ADAM17: variants seen among roughly 807,000 people sequenced by gnomAD.
The protein encoded by ADAM17 is disintegrin and metalloproteinase domain-containing protein 17.
ADAM17 carries 39 observed loss-of-function variants against 96.7 expected under a neutral mutation model. The observed-to-expected ratio is 0.40, with a 90% confidence interval of 0.31 to 0.53. The LOEUF is 0.53. Ranked by LOEUF, ADAM17 falls within the 20% of genes least tolerant of loss-of-function variation. ADAM17 has a pLI of 0.44. For synonymous variants in ADAM17, 344 were observed against 359.2 expected, an observed-to-expected ratio of 0.96 and a Z score of 0.48; for missense variants, 777 against 1,013.2, an observed-to-expected ratio of 0.77 and a Z score of 3.17.
chr2:9,552,866 G>A (rs1356900954), intron 1 of ADAM17, among the ~76,000 whole-genome samples: 1 of 151,998 alleles, frequency 6.6e-6, no homozygotes, highest in East Asian at 1.9e-4. Flanking sequence ...CATTTTATTA[G>A]GTATTTTTTG....
intron 11 of ADAM17, among the ~76,000 whole-genome samples, chr2:9,508,981 C>A (rs913378743): frequency 8.9e-6 from 1 of 112,988 alleles, no homozygotes; most frequent in Non-Finnish European, 2.1e-5. Context: ...AGAAAATATA[C>A]ATAAAAAGCC....
chr2:9,532,565 G>A (rs1293971502), intron 4 of ADAM17, among the ~76,000 whole-genome samples: 3 of 151,660 alleles, frequency 2.0e-5, no homozygotes, highest in East Asian at 1.9e-4. Flanking sequence ...TCCGCCTTCC[G>A]AATTCAACTG....
At chr2:9,493,970 CGTA>C in intron 15 of ADAM17, 145 bp from the exon 16 acceptor site, 1 of 619,330 alleles carries the variant, frequency 1.6e-6, no homozygotes, top group South Asian at 2.1e-5. Flanking sequence ...ATAACTTCCG[CGTA>C]ATGAGTACCC....
chr2:9,528,021 A>G, intron 4 of ADAM17, 67 bp from the exon 5 acceptor site: 1 of 1,100,968 alleles, frequency 9.1e-7, no homozygotes. Flanking sequence ...AAATTCTTCT[A>G]ACATTCTTTG....
chr2:9,489,979 G>T lies in ADAM17; in HGVS notation c.*198C>A. ...AACCTGAAAGCCTCAAAATAAGCTA[G>T]ATTCACCTTCACCTTACCTTTTCAA... On this transcript the variant is annotated 3_prime_UTR_variant, in exon 19 of 19. Transcript: ENST00000310823. The T allele has an allele frequency of 1.9e-6, 1 of 516,638 alleles. No homozygotes were observed. The highest frequency in any genetic ancestry group is 3.4e-6 in the Non-Finnish European group (1 of 296,934). The allele number at this position is 516,638 out of a possible 1,614,324, so 32.0% of individuals were successfully genotyped here.
chr2:9,529,991 C>CAA (rs1362514045), intron 4 of ADAM17, among the ~76,000 whole-genome samples: 1 of 151,910 alleles, frequency 6.6e-6, no homozygotes, highest in Non-Finnish European at 1.5e-5. Context: ...CACACACACA[C>CAA]AAAACTACAA....
intron 7 of ADAM17, 72 bp downstream of exon 7, chr2:9,523,177 G>A (rs535733777): frequency 3.6e-4 from 429 of 1,193,176 alleles, no homozygotes; most frequent in Non-Finnish European, 4.5e-4. Flanking sequence ...AAGTTTTTAG[G>A]TTTTGAATAC....
At chr2:9,552,216 T>C (rs1478489333) in intron 1 of ADAM17, among the ~76,000 whole-genome samples, 2 of 152,174 alleles carry the variant, frequency 1.3e-5, no homozygotes, top group African/African-American at 4.8e-5. Flanking sequence ...TAGAAAATGG[T>C]GAAGGATCCA....
Position 9,505,554 on chromosome 2 carries a change from A to G in ADAM17, c.1345-189T>C, listed in dbSNP as rs13403885. The G allele has an allele frequency of 3.0e-3, 1,792 of 605,342 alleles. 15 individuals are homozygous for G. Among genetic ancestry groups the G allele is most frequent in the African/African-American group, 0.029 (1,590 of 54,036 alleles). The allele number at this position is 605,342 out of a possible 1,614,324, so 37.5% of individuals were successfully genotyped here. A position where few individuals can be genotyped will look rare whatever the true frequency, so the allele number is the denominator to read the frequency against. On this transcript the variant is annotated intron_variant, in intron 11 of 18. Coordinates refer to ENST00000310823, the MANE Select transcript of ADAM17 (RefSeq NM_003183.6). Reference sequence around the variant, plus strand: ...TATGGAACTGGGAACCTCCCTCCATAGAATGCTAAATGGCTGATGTGAACT... The same window carrying G: ...TATGGAACTGGGAACCTCCCTCCATGGAATGCTAAATGGCTGATGTGAACT...
intron 16 of ADAM17, 91 bp from the exon 17 acceptor site, chr2:9,493,077 G>T: frequency 9.5e-7 from 1 of 1,057,658 alleles, no homozygotes; most frequent in Non-Finnish European, 1.4e-6. Context: ...TGTGTCAAAT[G>T]CCAGAGCTGC....
At chr2:9,491,195 C>CAGTT (rs755646768) in intron 17 of ADAM17, 44 bp from the exon 18 acceptor site, 39 of 1,564,992 alleles carry the variant, frequency 2.5e-5, no homozygotes, top group Non-Finnish European at 3.4e-5. Flanking sequence ...AAATACAATT[C>CAGTT]AGTTAGTGAG....
At chr2:9,494,788 T>A in intron 14 of ADAM17, 21 bp from the exon 15 acceptor site, 1 of 1,613,306 alleles carries the variant, frequency 6.2e-7, no homozygotes. Flanking sequence ...GAACACGCAT[T>A]GACAGCTGGA....
chr2:9,535,707 T>C, intron 4 of ADAM17, 127 bp downstream of exon 4: 1 of 518,856 alleles, frequency 1.9e-6, no homozygotes, highest in Non-Finnish European at 3.3e-6. Flanking sequence ...TCTACTTTCC[T>C]AGTAAAAAAC....
chr2:9,550,549 A>G (rs1665557108), intron 1 of ADAM17, among the ~76,000 whole-genome samples: 1 of 148,546 alleles, frequency 6.7e-6, no homozygotes. Flanking sequence ...GGGTTCAAGC[A>G]ATTCTCCTGC....
Position 9,555,717 on chromosome 2 carries a change from T to G in ADAM17, c.-112A>C, listed in dbSNP as rs749950472. On this transcript the variant is annotated 5_prime_UTR_variant, in exon 1 of 19. Transcript: ENST00000310823. ...GGATCCGCCCGGCCTAGCCCCTCAA[T>G]CCTCTTTTCCCTCCCGCGCCGCCTA... is the stretch of plus-strand genomic sequence containing the variant. 2.3e-4 allele frequency: 206 copies of G among 881,760 alleles called. No homozygotes were observed. Among genetic ancestry groups the G allele is most frequent in the Admixed American group, 5.1e-4 (15 of 29,678 alleles). The allele number at this position is 881,760 out of a possible 1,614,324, so 54.6% of individuals were successfully genotyped here.
chr2:9,526,907 G>A (rs1056753485), intron 5 of ADAM17, among the ~76,000 whole-genome samples: 2 of 152,140 alleles, frequency 1.3e-5, no homozygotes, highest in African/African-American at 4.8e-5. Flanking sequence ...ATTAACCAAT[G>A]TAACAGTAAA....
intron 7 of ADAM17, chr2:9,522,336 G>C: frequency 1.9e-6 from 1 of 527,002 alleles, no homozygotes; most frequent in East Asian, 2.9e-5. Flanking sequence ...CTAGTGACAT[G>C]AATGTCTTTG....
chr2:9,507,605 C>T lies in ADAM17; in HGVS notation c.1345-2240G>A, dbSNP rs1364378675. Among the ~76,000 whole-genome samples, 4 of 152,172 alleles carry T rather than the reference C, an allele frequency of 2.6e-5. No individual in the cohort carries two copies. In the East Asian group the frequency reaches 5.8e-4, roughly 22 times the overall value. On this transcript the variant is annotated intron_variant, in intron 11 of 18. Coordinates refer to ENST00000310823, the MANE Select transcript of ADAM17 (RefSeq NM_003183.6). Reference sequence around the variant, plus strand: ...GGCAACCAAACTAGAAAAACACAGACTAAATATGATGTGCTCAGGACAAAA... The same window carrying T: ...GGCAACCAAACTAGAAAAACACAGATTAAATATGATGTGCTCAGGACAAAA...
At chr2:9,497,035 C>T (rs2124976085) in intron 14 of ADAM17, 79 bp downstream of exon 14, 2 of 1,563,554 alleles carry the variant, frequency 1.3e-6, no homozygotes, top group East Asian at 2.3e-5. Flanking sequence ...ATTCGCACAA[C>T]CTCCAAATGG....
Sources: allele counts gnomAD v4.1 joint callset (sites outside exome capture counted in the v4.1 genomes callset), GRCh38; gene constraint gnomAD v4.1.1; transcripts MANE v1.5; gene names NCBI Gene and HGNC (gene_info 2026-07-23, HGNC 2026-07-21).